The following COL4A2 variants were observed in gnomAD, a reference collection of about 807,000 sequenced individuals.
COL4A2 encodes collagen alpha-2(IV) chain.
A neutral mutation model predicts 200.2 loss-of-function variants in COL4A2; 99 were observed. That is an observed-to-expected ratio of 0.49 (90% confidence interval 0.42 to 0.58). COL4A2 has a LOEUF of 0.58. Among genes scored for constraint, COL4A2 ranks in the 20% least tolerant of loss-of-function variants. The pLI is 0.00. For missense variants in COL4A2, 1,950 were observed against 2,314.1 expected, an observed-to-expected ratio of 0.84 and a Z score of 3.23; for synonymous variants, 897 against 900.6, an observed-to-expected ratio of 1.00 and a Z score of 0.07.
intron 20 of COL4A2, among the ~76,000 whole-genome samples, chr13:110,452,856 G>A (rs1217777574): frequency 6.6e-6 from 1 of 152,068 alleles, no homozygotes; most frequent in Non-Finnish European, 1.5e-5. Context: ...TCCACCTCGT[G>A]GGATCAAGCG....
intron 3 of COL4A2, among the ~76,000 whole-genome samples, chr13:110,314,103 A>G (rs974440045): frequency 7.2e-5 from 11 of 152,356 alleles, no homozygotes; most frequent in East Asian, 1.9e-4. Flanking sequence ...CTGCAGTTCA[A>G]TGTGATAATG....
chr13:110,479,533 G>T (rs939919849), intron 30 of COL4A2, among the ~76,000 whole-genome samples: 28 of 152,398 alleles, frequency 1.8e-4, no homozygotes, highest in Non-Finnish European at 2.8e-4. Flanking sequence ...GATTTGAGGG[G>T]GCTGGGGGTT....
At chr13:110,510,033 T>C (rs1884033371) in intron 47 of COL4A2, among the ~76,000 whole-genome samples, 1 of 152,194 alleles carries the variant, frequency 6.6e-6, no homozygotes, top group Admixed American at 6.5e-5. Context: ...ATCCCTTCTG[T>C]GTGGTGACAA....
chr13:110,360,542 G>A (rs535328289), intron 4 of COL4A2, among the ~76,000 whole-genome samples: 1 of 152,278 alleles, frequency 6.6e-6, no homozygotes, highest in Non-Finnish European at 1.5e-5. Context: ...CACAGCACAG[G>A]CATTGAGACC....
chr13:110,352,879 C>A (rs1276296715), intron 3 of COL4A2, among the ~76,000 whole-genome samples: 1 of 152,134 alleles, frequency 6.6e-6, no homozygotes, highest in Non-Finnish European at 1.5e-5. Flanking sequence ...AGGAGTTTGG[C>A]CAGCCGGGCT....
chr13:110,438,678 G>C lies in COL4A2; in HGVS notation c.912+10G>C. 1 of 1,614,180 alleles carries C rather than the reference G, an allele frequency of 6.2e-7. No individual in the cohort carries two copies. The highest frequency in any genetic ancestry group is 1.3e-5 in the African/African-American group (1 of 75,036). On this transcript the variant is annotated intron_variant, in intron 15 of 47. Transcript: ENST00000360467. ...CTTTCCTGGACTGAGGGTAAACCAC[G>C]CCTTTTATAACTGCAGTTGTCGGTT...
intron 11 of COL4A2, among the ~76,000 whole-genome samples, chr13:110,432,680 T>C (rs1328112060): frequency 6.6e-6 from 1 of 152,228 alleles, no homozygotes; most frequent in African/African-American, 2.4e-5. Context: ...AGTTCACATT[T>C]ATTCACATGC....
chr13:110,434,452 G>A lies in COL4A2; in HGVS notation c.726+10G>A. On this transcript the variant is annotated intron_variant, in intron 12 of 47. Coordinates refer to ENST00000360467, the MANE Select transcript of COL4A2 (RefSeq NM_001846.4). The stretch of plus-strand genomic sequence containing the variant: ...AGTTAAGGGTGAAAAGGTAAAGGAA[G>A]CCTGGTCAATTCCAGCAGAGGCATG... 2 of 1,613,594 alleles carry A rather than the reference G, an allele frequency of 1.2e-6. No homozygotes were observed. Among genetic ancestry groups the A allele is most frequent in the Non-Finnish European group, 1.7e-6 (2 of 1,179,590 alleles).
intron 4 of COL4A2, among the ~76,000 whole-genome samples, chr13:110,377,895 GAAA>G (rs531260763): frequency 6.6e-6 from 1 of 151,752 alleles, no homozygotes; most frequent in Admixed American, 6.6e-5. Context: ...AACTTTTCTG[GAAA>G]AAAAAGTATA....
At chr13:110,419,045 C>A (rs1880147084) in intron 4 of COL4A2, among the ~76,000 whole-genome samples, 1 of 152,138 alleles carries the variant, frequency 6.6e-6, no homozygotes, top group South Asian at 2.1e-4. Context: ...CAGAAATTAA[C>A]TAGGTCTTAG....
intron 21 of COL4A2, chr13:110,458,051 C>G (rs771305687): frequency 1.1e-5 from 5 of 450,482 alleles, no homozygotes; most frequent in South Asian, 8.4e-5. Flanking sequence ...CTGCTCACCT[C>G]TCCCCTCCCA....
intron 3 of COL4A2, among the ~76,000 whole-genome samples, chr13:110,338,481 C>G (rs890376999): frequency 6.6e-6 from 1 of 152,060 alleles, no homozygotes; most frequent in Admixed American, 6.5e-5. Flanking sequence ...CACTGAGGCT[C>G]TAGGGAGCCC....
At chr13:110,464,080 T>G (rs183690587) in intron 24 of COL4A2, among the ~76,000 whole-genome samples, 696 of 152,196 alleles carry the variant, frequency 4.6e-3, no homozygotes, top group Non-Finnish European at 6.4e-3. Flanking sequence ...TGTGCTCATG[T>G]GTGTATGTGT....
chr13:110,326,196 G>A (rs1026815060), intron 3 of COL4A2, among the ~76,000 whole-genome samples: 3 of 152,196 alleles, frequency 2.0e-5, no homozygotes, highest in Admixed American at 2.0e-4. Flanking sequence ...AGTCCCTGTG[G>A]AACCTGGGAG....
At chr13:110,322,908 C>G (rs1336234681) in intron 3 of COL4A2, among the ~76,000 whole-genome samples, 1 of 152,218 alleles carries the variant, frequency 6.6e-6, no homozygotes, top group Non-Finnish European at 1.5e-5. Context: ...GCAGCATGAT[C>G]AGAGGCTACT....
At chr13:110,493,963 C>G (rs1883371106) in intron 39 of COL4A2, among the ~76,000 whole-genome samples, 1 of 152,158 alleles carries the variant, frequency 6.6e-6, no homozygotes, top group South Asian at 2.1e-4. Context: ...TCCCAAAGGC[C>G]CCTGCTCCAA....
In COL4A2 at chr13:110,508,672, G is replaced by A. The variant is rs141145663; in HGVS notation, c.4881+451G>A. On this transcript the variant is annotated intron_variant, in intron 47 of 47. Coordinates refer to ENST00000360467, the MANE Select transcript of COL4A2 (RefSeq NM_001846.4). This position sits in a 1 kb window ranked among gnomAD's most constrained non-coding sequence, Gnocchi z 6.1. The stretch of plus-strand genomic sequence containing the variant: ...GCTGGCTTAAAATGGATATATATTC[G>A]TGAGGAAAATTCTGGAATACCTTTG... 2.6e-5 allele frequency among the ~76,000 whole-genome samples: 4 copies of A among 152,180 alleles called. No individual in the cohort carries two copies. The highest frequency in any genetic ancestry group is 4.4e-5 in the Non-Finnish European group (3 of 68,040).
intron 3 of COL4A2, among the ~76,000 whole-genome samples, chr13:110,340,044 A>G (rs963189684): frequency 1.3e-5 from 2 of 152,248 alleles, no homozygotes; most frequent in South Asian, 2.1e-4. Context: ...AGAGTGGATA[A>G]TAAATGGGCC....
At chr13:110,397,630 C>CGATG (rs1397390662) in intron 4 of COL4A2, among the ~76,000 whole-genome samples, 1 of 152,070 alleles carries the variant, frequency 6.6e-6, no homozygotes, top group Non-Finnish European at 1.5e-5. Context: ...ACTTGCAAAT[C>CGATG]GATGTAGCAG....
Sources: allele counts gnomAD v4.1 joint callset (sites outside exome capture counted in the v4.1 genomes callset), GRCh38; gene constraint gnomAD v4.1.1; non-coding constraint Gnocchi (gnomAD v3.1); transcripts MANE v1.5; gene names NCBI Gene and HGNC (gene_info 2026-07-23, HGNC 2026-07-21).